KIRREL3: variants seen among roughly 807,000 people sequenced by gnomAD.
KIRREL3 encodes the protein kirre like nephrin family adhesion molecule 3, also known as kin of IRRE-like protein 3.
In KIRREL3, 36 loss-of-function variants were observed where a neutral mutation model predicts 89.7. That is an observed-to-expected ratio of 0.40 (90% CI 0.31 to 0.53). The LOEUF (loss-of-function observed/expected upper bound fraction) is 0.53. Ranked by LOEUF, KIRREL3 falls within the 20% of genes least tolerant of loss-of-function variation. KIRREL3 has a pLI of 0.49. For synonymous variants in KIRREL3, 445 were observed against 441.4 expected, an observed-to-expected ratio of 1.01 and a Z score of -0.10; for missense variants, 864 against 1,056.6, an observed-to-expected ratio of 0.82 and a Z score of 2.53.
intron 1 of KIRREL3, among the ~76,000 whole-genome samples, chr11:126,853,229 G>T (rs1313309643): frequency 3.3e-5 from 5 of 152,092 alleles, no homozygotes; most frequent in Non-Finnish European, 7.4e-5. Flanking sequence ...GCTTCTCGAA[G>T]AATTAAGATT....
At chr11:126,895,422 C>T (rs894017018) in intron 1 of KIRREL3, among the ~76,000 whole-genome samples, 2 of 147,770 alleles carry the variant, frequency 1.4e-5, no homozygotes, top group Admixed American at 6.8e-5. Context: ...ACACTGCAGC[C>T]TCAGCAACAG....
rs1418916249 is a variant in KIRREL3 at position 126,970,750 on chromosome 11, AGGAACTCCAT to A, written c.55+29695_55+29704del. ...TAAGTAAAATTTTGTGAATTAGTGA[AGGAACTCCAT>A]TTAATTTAGAACATTGCTTCCATGA... is the stretch of plus-strand genomic sequence containing the variant. On this transcript the variant is annotated intron_variant, in intron 1 of 16. Transcript: ENST00000525144. This position sits in a 1 kb window ranked among gnomAD's most constrained non-coding sequence, Gnocchi z 4.4. 6.6e-6 allele frequency among the ~76,000 whole-genome samples: 1 copy of A among 152,206 alleles called. No individual in the cohort carries two copies. Among genetic ancestry groups the A allele is most frequent in the African/African-American group, 2.4e-5 (1 of 41,452 alleles).
In KIRREL3 at chr11:126,645,663, C is replaced by T. The variant is rs1459714331; in HGVS notation, c.56-82751G>A. ...GAAAAGGTAAGAAGGACTCTCAAAG[C>T]CTTTGTTAATTAAAAACACACACAG... is the stretch of plus-strand genomic sequence containing the variant. On this transcript the variant is annotated intron_variant, in intron 1 of 16. Coordinates refer to ENST00000525144, the MANE Select transcript of KIRREL3 (RefSeq NM_032531.4). The surrounding 1 kb of genome is among the most constrained non-coding windows in gnomAD (Gnocchi z 4.9). 2.0e-5 allele frequency among the ~76,000 whole-genome samples: 3 copies of T among 152,174 alleles called. No individual in the cohort carries two copies. Among genetic ancestry groups the T allele is most frequent in the Non-Finnish European group, 4.4e-5 (3 of 68,034 alleles).
At chr11:127,002,277 T>C (rs1565492812), upstream of KIRREL3, among the ~76,000 whole-genome samples, 1 of 152,244 alleles carries the variant, frequency 6.6e-6, no homozygotes, top group Non-Finnish European at 1.5e-5. Context: ...CTTAATAGTT[T>C]ATTTAACTGC....
chr11:126,919,592 G>A (rs1947187305), intron 1 of KIRREL3, among the ~76,000 whole-genome samples: 1 of 152,184 alleles, frequency 6.6e-6, no homozygotes, highest in South Asian at 2.1e-4. Flanking sequence ...CTGGGGTTGG[G>A]CTATTCTGGT....
At chr11:126,505,398 C>T (rs1957988680) in intron 4 of KIRREL3, among the ~76,000 whole-genome samples, 1 of 152,090 alleles carries the variant, frequency 6.6e-6, no homozygotes, top group Admixed American at 6.6e-5. Flanking sequence ...GGTGAAACCC[C>T]ATTTCTACTA....
intron 1 of KIRREL3, among the ~76,000 whole-genome samples, chr11:126,632,791 TA>T (rs755510570): frequency 0.3 from 14,504 of 48,478 alleles, 968 homozygotes; most frequent in East Asian, 0.54. Flanking sequence ...AGTCTAAACT[TA>T]AAAAAAAAAA....
chr11:126,788,155 A>AAGAGTGGGTGAT lies in KIRREL3; in HGVS notation c.55+212288_55+212299dup. On this transcript the variant is annotated intron_variant, in intron 1 of 16. Coordinates refer to ENST00000525144, the MANE Select transcript of KIRREL3 (RefSeq NM_032531.4). This position sits in a 1 kb window ranked among gnomAD's most constrained non-coding sequence, Gnocchi z 4.1. ...AAATCTGCTAGACATTGTGTGCAAAAAGAGTGGGTGATGGAGTTGGGCTTG... is the reference window on the plus strand; with the variant it reads ...AAATCTGCTAGACATTGTGTGCAAAAAGAGTGGGTGATAGAGTGGGTGATGGAGTTGGGCTTG... 1.3e-5 allele frequency among the ~76,000 whole-genome samples: 2 copies of AAGAGTGGGTGAT among 152,300 alleles called. 1 individual carries two copies.
intron 8 of KIRREL3, among the ~76,000 whole-genome samples, chr11:126,447,993 A>G (rs1041191610): frequency 1.3e-5 from 2 of 152,204 alleles, no homozygotes; most frequent in Non-Finnish European, 2.9e-5. Context: ...CCTCCAGTGA[A>G]TAAGAGGGGA....
chr11:126,747,626 G>A lies in KIRREL3; in HGVS notation c.56-184714C>T, dbSNP rs540521132. On this transcript the variant is annotated intron_variant, in intron 1 of 16. Coordinates refer to ENST00000525144, the MANE Select transcript of KIRREL3 (RefSeq NM_032531.4). The surrounding 1 kb of genome is among the most constrained non-coding windows in gnomAD (Gnocchi z 4.7). ...CCTCTTTCGTGGTATTAGGAACCTGGTATAACTGAGAGCGCATCTCCCTTG... is the reference window on the plus strand; with the variant it reads ...CCTCTTTCGTGGTATTAGGAACCTGATATAACTGAGAGCGCATCTCCCTTG... 6.6e-6 allele frequency among the ~76,000 whole-genome samples: 1 copy of A among 152,164 alleles called. No individual in the cohort carries two copies. The highest frequency in any genetic ancestry group is 2.1e-4 in the South Asian group (1 of 4,792).
chr11:126,657,032 G>A (rs1448833827), intron 1 of KIRREL3, among the ~76,000 whole-genome samples: 3 of 151,662 alleles, frequency 2.0e-5, no homozygotes, highest in Non-Finnish European at 4.4e-5. Flanking sequence ...ATCCAGCCTG[G>A]GCAATGGAGT....
intron 1 of KIRREL3, among the ~76,000 whole-genome samples, chr11:126,801,909 G>A (rs10750340): frequency 0.23 from 34,305 of 151,890 alleles, 4,512 homozygotes; most frequent in East Asian, 0.46. Context: ...TACTCCAACC[G>A]GGCTACAGAG....
In KIRREL3 at chr11:126,477,475, A is replaced by G. The variant is rs1355723842; in HGVS notation, c.434-4009T>C. 2.0e-5 allele frequency among the ~76,000 whole-genome samples: 3 copies of G among 152,186 alleles called. No homozygotes were observed. The highest frequency in any genetic ancestry group is 7.2e-5 in the African/African-American group (3 of 41,448). On this transcript the variant is annotated intron_variant, in intron 4 of 16. Transcript: ENST00000525144. This position sits in a 1 kb window ranked among gnomAD's most constrained non-coding sequence, Gnocchi z 4.8. ...GGAAATTGAGGCCAGAGAGCACAAG[A>G]GGCTGACCCAAAGTTACCAGTGACG...
intron 4 of KIRREL3, among the ~76,000 whole-genome samples, chr11:126,499,739 C>T (rs1454241576): frequency 2.6e-5 from 4 of 152,218 alleles, no homozygotes; most frequent in Non-Finnish European, 5.9e-5. Flanking sequence ...ACCCATTCTA[C>T]CAAGGGAGAG....
In KIRREL3 at chr11:126,677,611, C is replaced by T. The variant is rs79220598; in HGVS notation, c.56-114699G>A. Reference sequence around the variant, plus strand: ...GCACCCAGCTCTGTCTGGCTGCATTCGCTGAGCTGTCGCTGTGCTAGGTGC... The same window carrying T: ...GCACCCAGCTCTGTCTGGCTGCATTTGCTGAGCTGTCGCTGTGCTAGGTGC... On this transcript the variant is annotated intron_variant, in intron 1 of 16. Transcript: ENST00000525144. The surrounding 1 kb of genome is among the most constrained non-coding windows in gnomAD (Gnocchi z 5.1). Among the ~76,000 whole-genome samples the T allele has an allele frequency of 6.3e-4, 96 of 152,254 alleles. No homozygotes were observed. In the East Asian group the frequency reaches 0.017, roughly 26 times the overall value.
At chr11:126,942,685 G>C (rs1948491769) in intron 1 of KIRREL3, among the ~76,000 whole-genome samples, 1 of 152,216 alleles carries the variant, frequency 6.6e-6, no homozygotes, top group South Asian at 2.1e-4. Flanking sequence ...GTCCTTCAGT[G>C]TAATGCAACC....
intron 1 of KIRREL3, among the ~76,000 whole-genome samples, chr11:126,738,037 CCCAGCTTCTGGTAA>C (rs1948861588): frequency 6.6e-6 from 1 of 152,156 alleles, no homozygotes; most frequent in African/African-American, 2.4e-5. Context: ...CACTACCCTT[CCCAGCTTCTGGTAA>C]CCATCATTCT....
At chr11:126,799,536 A>G (rs983652156) in intron 1 of KIRREL3, among the ~76,000 whole-genome samples, 7 of 20,800 alleles carry the variant, frequency 3.4e-4, no homozygotes, top group African/African-American at 6.7e-4. Flanking sequence ...TTTGTTGGAA[A>G]AATAAGATGA....
At position 126,623,762 on chromosome 11, in the gene KIRREL3, A is replaced by G. The variant is rs980729973; in HGVS notation, c.56-60850T>C. 2.6e-5 allele frequency among the ~76,000 whole-genome samples: 4 copies of G among 152,168 alleles called. No individual in the cohort carries two copies. The highest frequency in any genetic ancestry group is 4.4e-5 in the Non-Finnish European group (3 of 68,032). On this transcript the variant is annotated intron_variant, in intron 1 of 16. Transcript: ENST00000525144. This position sits in a 1 kb window ranked among gnomAD's most constrained non-coding sequence, Gnocchi z 4.1. ...AAATACTAAGCTAGAAAACAAAGATATACATAGAAATTCTAGGTTCTCAAG... is the reference window on the plus strand; with the variant it reads ...AAATACTAAGCTAGAAAACAAAGATGTACATAGAAATTCTAGGTTCTCAAG...
Sources: gnomAD v4.1 joint callset for allele counts (sites outside exome capture counted in the v4.1 genomes callset) on GRCh38, gnomAD v4.1.1 for gene constraint, Gnocchi (gnomAD v3.1) non-coding constraint, MANE v1.5 for transcripts, NCBI Gene and HGNC (gene_info 2026-07-23, HGNC 2026-07-21) for gene names.